Variants in DNAH11 observed in about 807,000 individuals in gnomAD.
The protein encoded by DNAH11 is dynein axonemal heavy chain 11.
Under a neutral mutation model 526.0 loss-of-function variants are expected in DNAH11, and 442 were observed. That is an observed-to-expected ratio of 0.84 (90% CI 0.78 to 0.91). The LOEUF (loss-of-function observed/expected upper bound fraction) is 0.91, where lower values mean the gene tolerates loss of function less well. Among genes scored for constraint, DNAH11 ranks in the 40% least tolerant of loss-of-function variants. The probability of loss-of-function intolerance (pLI) is 0.00; values close to 1 mark genes in which losing one functional copy is unlikely to be tolerated. For missense variants in DNAH11, 6,989 were observed against 5,448.7 expected, an observed-to-expected ratio of 1.28 and a Z score of -8.90; for synonymous variants, 2,461 against 1,935.9, an observed-to-expected ratio of 1.27 and a Z score of -7.12.
chr7:21,778,860 A>T, intron 56 of DNAH11, 98 bp from the exon 57 acceptor site: 1 of 1,427,074 alleles, frequency 7.0e-7, no homozygotes, highest in Non-Finnish European at 9.5e-7. Flanking sequence ...CAAGATACAA[A>T]TTGTTAGAGA....
chr7:21,773,181 A>G (rs1787515016), intron 55 of DNAH11, among the ~76,000 whole-genome samples: 1 of 152,192 alleles, frequency 6.6e-6, no homozygotes, highest in South Asian at 2.1e-4. Flanking sequence ...GTCTTCCAGT[A>G]ACTCATTGAA....
intron 20 of DNAH11, among the ~76,000 whole-genome samples, chr7:21,614,011 A>C (rs1429580556): frequency 3.3e-5 from 5 of 151,376 alleles, no homozygotes; most frequent in African/African-American, 1.2e-4. Flanking sequence ...TCCTGGGCTC[A>C]AGCAATCCAC....
chr7:21,624,667 G>A (rs1786247295), intron 25 of DNAH11, among the ~76,000 whole-genome samples: 1 of 152,092 alleles, frequency 6.6e-6, no homozygotes, highest in Non-Finnish European at 1.5e-5. Context: ...TTGCTGTTGA[G>A]TATATTAGCT....
At position 21,711,788 on chromosome 7, in the gene DNAH11, G is replaced by A. The variant is rs1426116972; in HGVS notation, c.6911G>A (p.Arg2304Lys). 1 of 1,613,858 alleles carries A rather than the reference G, an allele frequency of 6.2e-7. No homozygotes were observed. Among genetic ancestry groups the A allele is most frequent in the Non-Finnish European group, 8.5e-7 (1 of 1,179,824 alleles). Residue 2304 changes from arginine (R) to lysine (K), a missense_variant, in exon 42 of 82, where the codon AGG becomes AAG. Physicochemically the swap from Arg to Lys is conservative, Grantham distance 26. Coordinates refer to ENST00000409508, the MANE Select transcript of DNAH11 (RefSeq NM_001277115.2). ...CTTCTGTTTGAGATACATCACTTAA[G>A]GAGCGCAACCCCGGCCACTGTTTCC... ...MRLLFEIHHLRSATPATVSRA... is the reference protein window; with the variant it reads ...MRLLFEIHHLKSATPATVSRA...
chr7:21,849,414 C>A (rs769159552), intron 66 of DNAH11, among the ~76,000 whole-genome samples: 1 of 152,186 alleles, frequency 6.6e-6, no homozygotes, highest in Non-Finnish European at 1.5e-5. Context: ...AGTACTCTTT[C>A]ATTCTTTACA....
At position 21,664,412 on chromosome 7, in the gene DNAH11, C is replaced by T. The variant is rs564367281; in HGVS notation, c.5328+5381C>T. The stretch of plus-strand genomic sequence containing the variant: ...TCTACAGTGTATCTCCCCTCGCCCC[C>T]GCCCCCGCAATTCTTTCAGGTTTCT... On this transcript the variant is annotated intron_variant, in intron 30 of 81. Coordinates refer to ENST00000409508, the MANE Select transcript of DNAH11 (RefSeq NM_001277115.2). 2.1e-4 allele frequency among the ~76,000 whole-genome samples: 32 copies of T among 151,780 alleles called. 1 individual carries two copies. The highest frequency in any genetic ancestry group is 2.9e-5 in the Non-Finnish European group (2 of 67,922).
At chr7:21,579,130 T>A (rs139828394) in intron 8 of DNAH11, among the ~76,000 whole-genome samples, 1 of 152,326 alleles carries the variant, frequency 6.6e-6, no homozygotes, top group Non-Finnish European at 1.5e-5. Context: ...CCTGAGTGCC[T>A]TTTAGACACT....
intron 30 of DNAH11, among the ~76,000 whole-genome samples, chr7:21,664,276 G>T (rs1336038016): frequency 2.0e-5 from 3 of 151,644 alleles, no homozygotes; most frequent in African/African-American, 7.3e-5. Context: ...TAGTTCTGAG[G>T]CTGGATCTCC....
At chr7:21,635,770 TA>T in intron 25 of DNAH11, 100 bp from the exon 26 acceptor site, 1 of 973,484 alleles carries the variant, frequency 1.0e-6, no homozygotes, top group Non-Finnish European at 1.4e-6. Flanking sequence ...ATGCTAGGTC[TA>T]AGAATCCAGC....
At chr7:21,603,176 G>GCTTCTTTCA (rs1309906211) in intron 18 of DNAH11, among the ~76,000 whole-genome samples, 2 of 152,130 alleles carry the variant, frequency 1.3e-5, no homozygotes, top group African/African-American at 4.8e-5. Flanking sequence ...ATTTTGTTAG[G>GCTTCTTTCA]CTTCTTTCAC....
intron 24 of DNAH11, 66 bp from the exon 25 acceptor site, chr7:21,619,890 G>T: frequency 6.9e-7 from 1 of 1,447,318 alleles, no homozygotes; most frequent in East Asian, 2.5e-5. Context: ...ATTAATTCCA[G>T]ATAATAGTCT....
At chr7:21,562,569 C>A (rs1202641214) in intron 5 of DNAH11, among the ~76,000 whole-genome samples, 1 of 151,950 alleles carries the variant, frequency 6.6e-6, no homozygotes, top group Non-Finnish European at 1.5e-5. Flanking sequence ...AGGAAGAAAA[C>A]ACTTCTCAAT....
chr7:21,664,500 C>G (rs763027312), intron 30 of DNAH11, among the ~76,000 whole-genome samples: 5 of 151,814 alleles, frequency 3.3e-5, no homozygotes, highest in Non-Finnish European at 5.9e-5. Context: ...GCTCTTTTTC[C>G]TGGGCTGGAG....
At position 21,626,184 on chromosome 7, in the gene DNAH11, A is replaced by G. The variant is rs11979867; in HGVS notation, c.4500+6106A>G. 8.2e-3 allele frequency among the ~76,000 whole-genome samples: 1,247 copies of G among 152,306 alleles called. 13 individuals are homozygous for G. Among genetic ancestry groups the G allele is most frequent in the African/African-American group, 0.028 (1,152 of 41,574 alleles). Reference sequence around the variant, plus strand: ...TTATGAGACCCGCTTTTTAAAAAAAATTCCCACATGTGAATGGGAATACGT... The same window carrying G: ...TTATGAGACCCGCTTTTTAAAAAAAGTTCCCACATGTGAATGGGAATACGT... On this transcript the variant is annotated intron_variant, in intron 25 of 81. Coordinates refer to ENST00000409508, the MANE Select transcript of DNAH11 (RefSeq NM_001277115.2).
At chr7:21,887,506 C>T (rs74630554) in intron 76 of DNAH11, among the ~76,000 whole-genome samples, 13,073 of 152,190 alleles carry the variant, frequency 0.086, 714 homozygotes, top group African/African-American at 0.15. Context: ...TGGGTTCACA[C>T]TGAAGTACCT....
chr7:21,748,301 T>G (rs888535846), intron 51 of DNAH11, among the ~76,000 whole-genome samples: 1 of 152,116 alleles, frequency 6.6e-6, no homozygotes, highest in African/African-American at 2.4e-5. Context: ...CTGGCCAACA[T>G]AGTGAAACCC....
intron 55 of DNAH11, among the ~76,000 whole-genome samples, chr7:21,770,005 C>A (rs1027396841): frequency 6.6e-6 from 1 of 152,080 alleles, no homozygotes; most frequent in African/African-American, 2.4e-5. Flanking sequence ...ATGCACTCAC[C>A]AGACAACTCA....
Position 21,702,178 on chromosome 7 carries a change from C to T in DNAH11, c.6181-532C>T, listed in dbSNP as rs371693669. ...TGGGAGGAGTCTTCATTAGGGATAA[C>T]GTTGTAGTCTCAAAAACAGATAATT... On this transcript the variant is annotated intron_variant, in intron 36 of 81. Transcript: ENST00000409508. Among the ~76,000 whole-genome samples, 13 of 152,112 alleles carry T rather than the reference C, an allele frequency of 8.5e-5. 1 individual carries two copies. The South Asian group carries it at 1.7e-3, about 19-fold the overall frequency.
At position 21,781,752 on chromosome 7, in the gene DNAH11, A is replaced by G. The variant is rs530485946; in HGVS notation, c.9483+2648A>G. ...TCCACTTGCTAAGGCTGCCATGACA[A>G]AAATACCACATGGGGTATTTTGGGA... On this transcript the variant is annotated intron_variant, in intron 57 of 81. Transcript: ENST00000409508. Among the ~76,000 whole-genome samples, 11 of 152,272 alleles carry G rather than the reference A, an allele frequency of 7.2e-5. No homozygotes were observed. The East Asian group carries it at 2.1e-3, about 29-fold the overall frequency.
Sources: allele counts gnomAD v4.1 joint callset (sites outside exome capture counted in the v4.1 genomes callset), GRCh38; gene constraint gnomAD v4.1.1; transcripts MANE v1.5; gene names NCBI Gene and HGNC (gene_info 2026-07-23, HGNC 2026-07-21).